IL17RA: variants seen among roughly 807,000 people sequenced by gnomAD.
IL17RA encodes interleukin 17 receptor A, also known as interleukin-17 receptor A.
IL17RA carries 34 observed loss-of-function variants against 50.4 expected under a neutral mutation model. The ratio of observed to expected loss-of-function variants is 0.67; its 90% confidence interval spans 0.51 to 0.90. The LOEUF (loss-of-function observed/expected upper bound fraction) is 0.90, where lower values mean the gene tolerates loss of function less well. Among genes scored for constraint, IL17RA ranks in the 40% least tolerant of loss-of-function variants. IL17RA has a pLI of 0.00. For missense variants in IL17RA, 1,276 were observed against 1,169.8 expected (o/e 1.09, Z -1.32); for synonymous variants, 585 against 510.4 (o/e 1.15, Z -1.97).
rs2061449843 is a variant in IL17RA at position 17,112,982 on chromosome 22, G to C, written c.*3162G>C. On this transcript the variant is annotated 3_prime_UTR_variant, in exon 13 of 13. Transcript: ENST00000319363. Reference sequence around the variant, plus strand: ...ATGACTTTTTCCTGCCTACTATCTTGATCCTAGTTTTTTTTTTGTTTTTTT... The same window carrying C: ...ATGACTTTTTCCTGCCTACTATCTTCATCCTAGTTTTTTTTTTGTTTTTTT... 1 of 125,844 alleles carries C rather than the reference G, an allele frequency of 7.9e-6. No individual in the cohort carries two copies. The allele number at this position is 125,844 out of a possible 1,614,324, so 7.8% of individuals were successfully genotyped here.
intron 11 of IL17RA, among the ~76,000 whole-genome samples, chr22:17,106,377 A>G (rs1355027486): frequency 1.3e-5 from 2 of 152,212 alleles, no homozygotes; most frequent in Non-Finnish European, 2.9e-5. Context: ...GCCCTGAGCC[A>G]CAGGGGTGGA....
At position 17,096,465 on chromosome 22, in the gene IL17RA, A is replaced by C. The variant is rs5748866; in HGVS notation, c.139-597A>C. ...CCTCTTGCAGCAGTGTTATCCAGGA[A>C]GGTTGGAAACCTTAGGAGATGAAGG... is the stretch of plus-strand genomic sequence containing the variant. On this transcript the variant is annotated intron_variant, in intron 1 of 12. Transcript: ENST00000319363. 2.7e-4 allele frequency among the ~76,000 whole-genome samples: 41 copies of C among 152,302 alleles called. No homozygotes were observed. In the East Asian group the frequency reaches 6.8e-3, roughly 25 times the overall value.
chr22:17,106,846 G>C (rs1445567257), intron 11 of IL17RA, among the ~76,000 whole-genome samples: 1 of 147,400 alleles, frequency 6.8e-6, no homozygotes, highest in Non-Finnish European at 1.5e-5. Context: ...CTCTCTAAAG[G>C]TTTGGGGCTG....
intron 1 of IL17RA, among the ~76,000 whole-genome samples, chr22:17,088,971 T>A (rs1035726853): frequency 6.6e-6 from 1 of 151,944 alleles, no homozygotes; most frequent in Non-Finnish European, 1.5e-5. Context: ...AATTTTTGTA[T>A]TTTTAGTAGA....
Position 17,108,565 on chromosome 22 carries a change from G to T in IL17RA, c.1346G>T (p.Arg449Leu). 1.2e-6 allele frequency: 2 copies of T among 1,606,970 alleles called. No individual in the cohort carries two copies. The highest frequency in any genetic ancestry group is 8.5e-7 in the Non-Finnish European group (1 of 1,179,956). Reference protein sequence around the residue: ...SNSKIIVLCSRGTRAKWQALL... With the variant: ...SNSKIIVLCSLGTRAKWQALL... ...TCTAAGATCATCGTCCTGTGCTCCC[G>T]CGGCACGCGCGCCAAGTGGCAGGCG... The change falls in exon 13 of 13, where the codon CGC (arginine) becomes CTC (leucine). Residue 449 changes from arginine (R) to leucine (L), a missense_variant. Arg to Leu is a moderately radical substitution (Grantham distance 102). Transcript: ENST00000319363.
rs184826270 is a variant in IL17RA, at chr22:17,107,918, A to G, written c.1087+150A>G. Reference sequence around the variant, plus strand: ...AACCCCCTTCCAGTACCCCACTCAGAAGGGCCCCCAATAACAAGGCCTGGG... The same window carrying G: ...AACCCCCTTCCAGTACCCCACTCAGGAGGGCCCCCAATAACAAGGCCTGGG... On this transcript the variant is annotated intron_variant, in intron 12 of 12. Coordinates refer to ENST00000319363, the MANE Select transcript of IL17RA (RefSeq NM_014339.7). The G allele has an allele frequency of 1.3e-4, 93 of 725,896 alleles. 1 individual carries two copies. The East Asian group carries it at 1.3e-3, about 10-fold the overall frequency. 45.0% of individuals were successfully genotyped at this position (725,896 alleles called of 1,614,324 possible). A position where few individuals can be genotyped will look rare whatever the true frequency, so the allele number is the denominator to read the frequency against.
chr22:17,103,225 C>A (rs1289342034), intron 7 of IL17RA, among the ~76,000 whole-genome samples: 2 of 152,182 alleles, frequency 1.3e-5, no homozygotes, highest in Non-Finnish European at 2.9e-5. Flanking sequence ...CAACTGGTGT[C>A]CATGAACACA....
chr22:17,107,895 C>T (rs1432970961), intron 12 of IL17RA, 127 bp downstream of exon 12: 28 of 830,234 alleles, frequency 3.4e-5, no homozygotes, highest in Non-Finnish European at 1.0e-5. Flanking sequence ...ACCTTAGAAA[C>T]CCCCTTCCAG....
intron 8 of IL17RA, among the ~76,000 whole-genome samples, chr22:17,103,865 A>G (rs111802876): frequency 1.1e-4 from 11 of 104,608 alleles, no homozygotes; most frequent in South Asian, 3.4e-4. Flanking sequence ...GCACAGGTGG[A>G]GAGAGTGGTG....
chr22:17,085,302 G>A (rs543967704), intron 1 of IL17RA, 73 bp downstream of exon 1: 251 of 1,523,142 alleles, frequency 1.6e-4, no homozygotes, highest in African/African-American at 5.6e-4. Context: ...AGGGCCGGAC[G>A]GTCGGGACTA....
intron 1 of IL17RA, among the ~76,000 whole-genome samples, chr22:17,095,373 C>T (rs2061365002): frequency 6.6e-6 from 1 of 152,106 alleles, no homozygotes; most frequent in African/African-American, 2.4e-5. Flanking sequence ...CCCTCCATCT[C>T]GGGAATGAGA....
intron 1 of IL17RA, among the ~76,000 whole-genome samples, chr22:17,085,981 C>T (rs1307772686): frequency 6.6e-6 from 1 of 152,168 alleles, no homozygotes; most frequent in Non-Finnish European, 1.5e-5. Flanking sequence ...CCACTCCCAC[C>T]CCCGACTACC....
intron 1 of IL17RA, among the ~76,000 whole-genome samples, chr22:17,094,691 C>CTCTCTCTCTCTCTCTCTATATATATATA (rs1448096911): frequency 4.0e-5 from 1 of 24,704 alleles, no homozygotes; most frequent in East Asian, 1.0e-3. Flanking sequence ...CTCTCTCTCT[C>CTCTCTCTCTCTCTCTCTATATATATATA]TATATATATA....
chr22:17,109,910 A>G lies in IL17RA; in HGVS notation c.*90A>G, dbSNP rs939264199. On this transcript the variant is annotated 3_prime_UTR_variant, in exon 13 of 13. Coordinates refer to ENST00000319363, the MANE Select transcript of IL17RA (RefSeq NM_014339.7). ...TCTGTGTGTACATGTCTGCATGTGT[A>G]TATGTTCGTGTGTGAAATGTAGGCT... The G allele has an allele frequency of 4.2e-6, 5 of 1,194,430 alleles. No individual in the cohort carries two copies. Among genetic ancestry groups the G allele is most frequent in the African/African-American group, 3.1e-5 (2 of 65,316 alleles). The allele number at this position is 1,194,430 out of a possible 1,614,324, so 74.0% of individuals were successfully genotyped here.
At position 17,112,197 on chromosome 22, in the gene IL17RA, C is replaced by A. The variant is rs1280650925; in HGVS notation, c.*2377C>A. 1 of 152,374 alleles carries A rather than the reference C, an allele frequency of 6.6e-6. No homozygotes were observed. Among genetic ancestry groups the A allele is most frequent in the Non-Finnish European group, 1.5e-5 (1 of 68,064 alleles). The allele number at this position is 152,374 out of a possible 1,614,324, so 9.4% of individuals were successfully genotyped here. A position where few individuals can be genotyped will look rare whatever the true frequency, so the allele number is the denominator to read the frequency against. ...TCCCATTCCTCAGGAACCTTGAATT[C>A]TAGCTCTGCTGGCCTTTGAGCCCAT... On this transcript the variant is annotated 3_prime_UTR_variant, in exon 13 of 13. Coordinates refer to ENST00000319363, the MANE Select transcript of IL17RA (RefSeq NM_014339.7).
chr22:17,109,747 T>A lies in IL17RA; in HGVS notation c.2528T>A (p.Leu843Gln). 2 of 1,560,872 alleles carry A rather than the reference T, an allele frequency of 1.3e-6. No individual in the cohort carries two copies. Among genetic ancestry groups the A allele is most frequent in the Non-Finnish European group, 1.7e-6 (2 of 1,152,924 alleles). Reference sequence around the variant, plus strand: ...AGCCTGAGGAGCCTCCAGCGGCAGCTGCTTTTCCGCCAGCTGCAGAAGAAC... The same window carrying A: ...AGCCTGAGGAGCCTCCAGCGGCAGCAGCTTTTCCGCCAGCTGCAGAAGAAC... ...LESLRSLQRQLLFRQLQKNSG... is the reference protein window; with the variant it reads ...LESLRSLQRQQLFRQLQKNSG... The change falls in exon 13 of 13, where the codon CTG (leucine) becomes CAG (glutamine). Residue 843 changes from leucine (L) to glutamine (Q), a missense_variant. Transcript: ENST00000319363.
rs2123814267 is a variant in IL17RA, at chr22:17,110,135, A to G, written c.*315A>G. On this transcript the variant is annotated 3_prime_UTR_variant, in exon 13 of 13. Coordinates refer to ENST00000319363, the MANE Select transcript of IL17RA (RefSeq NM_014339.7). ...CTATGTGGCGGGCATTTGGGATACC[A>G]AGATAAATTGCATGCGGCATGGCCC... 1 of 408,188 alleles carries G rather than the reference A, an allele frequency of 2.4e-6. No individual in the cohort carries two copies. Among genetic ancestry groups the G allele is most frequent in the Non-Finnish European group, 4.5e-6 (1 of 219,840 alleles). The allele number at this position is 408,188 out of a possible 1,614,324, so 25.3% of individuals were successfully genotyped here.
rs556521548 is a variant in IL17RA at position 17,089,615 on chromosome 22, G to C, written c.138+4386G>C. ...AAGAATGGGCAGTGGCCCCACGCCT[G>C]TAATCCTAGCATTTTGGGAGGCTGA... On this transcript the variant is annotated intron_variant, in intron 1 of 12. Transcript: ENST00000319363. Among the ~76,000 whole-genome samples the C allele has an allele frequency of 1.2e-4, 19 of 152,278 alleles. No individual in the cohort carries two copies. The South Asian group carries it at 3.9e-3, about 32-fold the overall frequency.
intron 1 of IL17RA, among the ~76,000 whole-genome samples, chr22:17,094,691 C>CTCTCTCTCTCTCTCTATATATA (rs1448096911): frequency 8.1e-5 from 2 of 24,698 alleles, no homozygotes; most frequent in African/African-American, 4.5e-4. Flanking sequence ...CTCTCTCTCT[C>CTCTCTCTCTCTCTCTATATATA]TATATATATA....
Sources: allele counts gnomAD v4.1 joint callset (sites outside exome capture counted in the v4.1 genomes callset), GRCh38; gene constraint gnomAD v4.1.1; transcripts MANE v1.5; gene names NCBI Gene and HGNC (gene_info 2026-07-23, HGNC 2026-07-21).